Variants in MAGI2 observed in about 807,000 individuals in gnomAD.
MAGI2 encodes membrane associated guanylate kinase, WW and PDZ domain containing 2.
In MAGI2, 35 loss-of-function variants were observed where a neutral mutation model predicts 133.3. The ratio of observed to expected loss-of-function variants is 0.26; its 90% CI spans 0.20 to 0.35. The LOEUF (loss-of-function observed/expected upper bound fraction) is 0.35, where lower values mean the gene tolerates loss of function less well. Among genes scored for constraint, MAGI2 ranks in the 10% least tolerant of loss-of-function variants. MAGI2 has a pLI of 1.00. For synonymous variants in MAGI2, 729 were observed against 710.6 expected (o/e 1.03, Z -0.41); for missense variants, 1,636 against 1,863.4 (o/e 0.88, Z 2.25).
intron 6 of MAGI2, among the ~76,000 whole-genome samples, chr7:78,392,439 A>G (rs1795979717): frequency 6.6e-6 from 1 of 152,140 alleles, no homozygotes; most frequent in African/African-American, 2.4e-5. Context: ...TAAGATAACT[A>G]TCCTAGTTGG....
chr7:78,229,377 C>G (rs1163960466), intron 10 of MAGI2, among the ~76,000 whole-genome samples: 11 of 152,226 alleles, frequency 7.2e-5, no homozygotes. Context: ...GATTTGAACT[C>G]AGGGCCTGTG....
intron 2 of MAGI2, among the ~76,000 whole-genome samples, chr7:78,767,778 G>A (rs896428459): frequency 4.6e-5 from 7 of 152,106 alleles, no homozygotes; most frequent in Non-Finnish European, 7.4e-5. Flanking sequence ...GGCATCTTAC[G>A]AATAACTAAT....
At chr7:79,401,733 T>A (rs1430147408) in intron 1 of MAGI2, among the ~76,000 whole-genome samples, 2 of 152,150 alleles carry the variant, frequency 1.3e-5, no homozygotes, top group Admixed American at 6.6e-5. Flanking sequence ...TAAGATTTTT[T>A]AAAATGACAC....
chr7:78,925,474 C>G (rs1799623737), intron 2 of MAGI2, among the ~76,000 whole-genome samples: 1 of 151,938 alleles, frequency 6.6e-6, no homozygotes, highest in African/African-American at 2.4e-5. Flanking sequence ...TTGCTATTCC[C>G]CTTCTTATAT....
At chr7:78,973,167 C>T (rs1368398484) in intron 2 of MAGI2, among the ~76,000 whole-genome samples, 1 of 151,860 alleles carries the variant, frequency 6.6e-6, no homozygotes, top group Non-Finnish European at 1.5e-5. Context: ...AATTCTGTAA[C>T]AATATTAAAA....
intron 2 of MAGI2, among the ~76,000 whole-genome samples, chr7:78,742,918 T>G (rs1822567912): frequency 6.6e-6 from 1 of 152,178 alleles, no homozygotes; most frequent in South Asian, 2.1e-4. Flanking sequence ...CTAACCCATG[T>G]GGTCAGACCA....
At chr7:78,253,345 A>G (rs1038565253) in intron 10 of MAGI2, 2 of 151,978 alleles carry the variant, frequency 1.3e-5, no homozygotes, top group East Asian at 3.9e-4. Context: ...AAATTATAGA[A>G]AGACAAAACG....
chr7:78,955,500 C>T (rs1193304979), intron 2 of MAGI2, among the ~76,000 whole-genome samples: 1 of 151,822 alleles, frequency 6.6e-6, no homozygotes, highest in Non-Finnish European at 1.5e-5. Flanking sequence ...TGTCTGAAGT[C>T]GGAAAAAAAT....
chr7:78,793,664 ATATC>A (rs1409042117), intron 2 of MAGI2, among the ~76,000 whole-genome samples: 1 of 152,238 alleles, frequency 6.6e-6, no homozygotes, highest in Non-Finnish European at 1.5e-5. Context: ...GAAAAATACA[ATATC>A]TATTTGTTAG....
chr7:79,384,010 T>A (rs889428614), intron 1 of MAGI2, among the ~76,000 whole-genome samples: 41 of 151,672 alleles, frequency 2.7e-4, no homozygotes, highest in African/African-American at 9.2e-4. Flanking sequence ...TAAGTTATGA[T>A]AAAGCCATTC....
chr7:79,032,707 AG>A (rs1810721981), intron 1 of MAGI2, among the ~76,000 whole-genome samples: 1 of 151,962 alleles, frequency 6.6e-6, no homozygotes, highest in Non-Finnish European at 1.5e-5. Flanking sequence ...CCTGCAGCAA[AG>A]GACATTAGTA....
rs926602385 is a variant in MAGI2 at position 78,942,469 on chromosome 7, G to A, written c.418+64621C>T. The stretch of plus-strand genomic sequence containing the variant: ...ATATGTGGAAACTTAGATATAAATG[G>A]AATATATTTATAGTCTCTTTGCCAA... On this transcript the variant is annotated intron_variant, in intron 2 of 21. Transcript: ENST00000354212. Among the ~76,000 whole-genome samples the A allele has an allele frequency of 1.4e-4, 22 of 152,130 alleles. No individual in the cohort carries two copies. In the East Asian group the frequency reaches 2.1e-3, roughly 15 times the overall value.
chr7:79,376,841 G>GTGTGTGTGT (rs1563166210), intron 1 of MAGI2, among the ~76,000 whole-genome samples: 2,627 of 147,556 alleles, frequency 0.018, 33 homozygotes, highest in Non-Finnish European at 0.024. Context: ...TGTGTGTGTG[G>GTGTGTGTGT]GTGTATGGCG....
intron 20 of MAGI2, among the ~76,000 whole-genome samples, chr7:78,111,568 G>C (rs890445238): frequency 6.6e-6 from 1 of 152,178 alleles, no homozygotes; most frequent in African/African-American, 2.4e-5. Flanking sequence ...GCTCCCCATG[G>C]CTCTCTTCTC....
intron 1 of MAGI2, among the ~76,000 whole-genome samples, chr7:79,098,562 G>A (rs1044041570): frequency 6.6e-6 from 1 of 152,154 alleles, no homozygotes; most frequent in Non-Finnish European, 1.5e-5. Flanking sequence ...AGAAAACTTC[G>A]GAGTGCTGAG....
At chr7:79,186,340 T>C (rs1316081564) in intron 1 of MAGI2, among the ~76,000 whole-genome samples, 2 of 149,020 alleles carry the variant, frequency 1.3e-5, no homozygotes, top group Non-Finnish European at 3.0e-5. Context: ...TAAATATTGA[T>C]CATTGTAGAG....
chr7:78,667,483 G>A (rs1452243057), intron 2 of MAGI2, among the ~76,000 whole-genome samples: 1 of 151,282 alleles, frequency 6.6e-6, no homozygotes, highest in Non-Finnish European at 1.5e-5. Flanking sequence ...CTGGTGTGCT[G>A]CACCCATTAA....
chr7:78,630,565 C>T (rs575001996), intron 2 of MAGI2, among the ~76,000 whole-genome samples: 43 of 151,594 alleles, frequency 2.8e-4, no homozygotes, highest in Admixed American at 9.2e-4. Flanking sequence ...TATAGGTGTG[C>T]GCCACCACAC....
chr7:78,716,637 CTGAGCACGCTGATTTTTA>C (rs1160704905), intron 2 of MAGI2, among the ~76,000 whole-genome samples: 2 of 152,250 alleles, frequency 1.3e-5, no homozygotes, highest in Non-Finnish European at 1.5e-5. Context: ...ATTCACATTG[CTGAGCACGCTGATTTTTA>C]TGGAAATGTG....
Sources: allele counts gnomAD v4.1 joint callset (sites outside exome capture counted in the v4.1 genomes callset), GRCh38; gene constraint gnomAD v4.1.1; transcripts MANE v1.5; gene names NCBI Gene and HGNC (gene_info 2026-07-23, HGNC 2026-07-21).